INAVA: variants seen among roughly 807,000 people sequenced by gnomAD.
The protein encoded by INAVA is innate immunity activator.
A neutral mutation model predicts 55.3 loss-of-function variants in INAVA; 32 were observed. The observed-to-expected ratio is 0.58, with a 90% CI of 0.44 to 0.78. The LOEUF (loss-of-function observed/expected upper bound fraction) is 0.78. Ranked by LOEUF, INAVA falls within the 30% of genes least tolerant of loss-of-function variation. The pLI is 0.00. For missense variants in INAVA, 756 were observed against 786.4 expected, an observed-to-expected ratio of 0.96 and a Z score of 0.46; for synonymous variants, 294 against 329.4, an observed-to-expected ratio of 0.89 and a Z score of 1.16.
At position 200,909,245 on chromosome 1, in the gene INAVA, G is replaced by T; in HGVS notation, c.807G>T (p.Gln269His). The part of the protein sequence containing the change: ...SESSSPATTP[Q>H]DGPSASSLWL... ...GCAGCAGCCCAGCCACCACACCACA[G>T]GATGGGCCCAGTGCCTCCAGCCTGT... Residue 269 changes from glutamine (Q) to histidine (H), a missense_variant, in exon 8 of 10, where the codon CAG becomes CAT. Coordinates refer to ENST00000413687, the MANE Select transcript of INAVA (RefSeq NM_001142569.3). 6.3e-7 allele frequency: 1 copy of T among 1,578,162 alleles called. No individual in the cohort carries two copies. Among genetic ancestry groups the T allele is most frequent in the Admixed American group, 1.8e-5 (1 of 57,000 alleles).
At chr1:200,899,345 G>C in intron 2 of INAVA, 128 bp from the exon 3 acceptor site, 5 of 1,352,716 alleles carry the variant, frequency 3.7e-6, no homozygotes, top group Non-Finnish European at 5.0e-6. Flanking sequence ...GCAATTTGTG[G>C]GCAGGCATGA....
chr1:200,911,830 C>T lies in INAVA; in HGVS notation c.1337C>T (p.Pro446Leu), dbSNP rs1380148287. ...RYVVVAESPLPPGEWELRRAA... is the reference protein window; with the variant it reads ...RYVVVAESPLLPGEWELRRAA... ...GTGGTGGTGGCTGAGAGCCCCCTGC[C>T]GCCTGGCGAGTGGGAGCTGCGCCGC... is the stretch of plus-strand genomic sequence containing the variant. The change falls in exon 9 of 10, where the codon CCG becomes CTG. Residue 446 changes from proline to leucine, a missense_variant. By Grantham distance (98) the Pro-to-Leu change is moderately conservative. Transcript: ENST00000413687. 6.2e-7 allele frequency: 1 copy of T among 1,602,576 alleles called. No homozygotes were observed. Among genetic ancestry groups the T allele is most frequent in the African/African-American group, 1.3e-5 (1 of 74,862 alleles).
At chr1:200,906,298 C>T (rs78710594) in intron 5 of INAVA, 7,851 of 152,274 alleles carry the variant, frequency 0.052, 338 homozygotes, top group East Asian at 0.2. Flanking sequence ...GTGGGTGGAT[C>T]ACCTGAGGTC....
intron 6 of INAVA, 28 bp downstream of exon 6, chr1:200,907,915 T>C (rs1365976509): frequency 6.3e-7 from 1 of 1,595,072 alleles, no homozygotes; most frequent in Admixed American, 1.7e-5. Flanking sequence ...GGGACTATTG[T>C]CAAGGCTGGA....
chr1:200,902,533 A>T (rs1408251625), intron 5 of INAVA, among the ~76,000 whole-genome samples: 1 of 152,256 alleles, frequency 6.6e-6, no homozygotes, highest in Non-Finnish European at 1.5e-5. Context: ...TGGCCGCAGA[A>T]CAACACTCCC....
chr1:200,909,368 G>A lies in INAVA; in HGVS notation c.930G>A (p.Gln310=), dbSNP rs747140552. The stretch of plus-strand genomic sequence containing the variant: ...GTGCCCCAGCCACCCCTGAGATACA[G>A]GGGAGGAGGGGCCAGTCGCAGTCTC... The part of the protein sequence containing the change: ...RTSAPATPEI[Q]GRRGQSQSLR... The change falls in exon 8 of 10, where the codon CAG becomes CAA. Residue 310 remains glutamine (Q), a synonymous_variant. Transcript: ENST00000413687. 1.2e-6 allele frequency: 2 copies of A among 1,606,716 alleles called. No individual in the cohort carries two copies. Among genetic ancestry groups the A allele is most frequent in the Non-Finnish European group, 1.7e-6 (2 of 1,175,746 alleles).
In INAVA at chr1:200,911,498, C is replaced by T; in HGVS notation, c.1005C>T (p.Ala335=). 9 of 1,613,708 alleles carry T rather than the reference C, an allele frequency of 5.6e-6. No individual in the cohort carries two copies. The highest frequency in any genetic ancestry group is 7.6e-6 in the Non-Finnish European group (9 of 1,179,868). ...GTCCTGAGGGCCGAGGTCGCAGCGC[C>T]TTTCCCCGCCGCCGCCCCACTCACT... ...RAGPEGRGRS[A]FPRRRPTHYT... is the part of the protein sequence containing the mutation. The change falls in exon 9 of 10, where the codon GCC becomes GCT. Residue 335 remains alanine (A), a synonymous_variant. Coordinates refer to ENST00000413687, the MANE Select transcript of INAVA (RefSeq NM_001142569.3).
intron 6 of INAVA, 78 bp downstream of exon 6, chr1:200,907,965 T>C: frequency 3.8e-6 from 5 of 1,303,622 alleles, no homozygotes; most frequent in Non-Finnish European, 5.5e-6. Flanking sequence ...AGTTTGCTGG[T>C]GTGGAATTTA....
intron 3 of INAVA, 118 bp from the exon 4 acceptor site, chr1:200,899,986 G>A: frequency 1.3e-6 from 1 of 767,354 alleles, no homozygotes. Flanking sequence ...GGGATGAGGT[G>A]GGGTGGAGGG....
Position 200,913,533 on chromosome 1 carries a change from G to C in INAVA, c.1645-4G>C. On this transcript the variant is annotated splice_region_variant and splice_polypyrimidine_tract_variant and intron_variant, in intron 9 of 9. Transcript: ENST00000413687. ...CACCTGTCCTTTCTTCCTGACCCTGGCAGGTGCCCACAGTTTGTGTGCTGC... is the reference window on the plus strand; with the variant it reads ...CACCTGTCCTTTCTTCCTGACCCTGCCAGGTGCCCACAGTTTGTGTGCTGC... 6.2e-7 allele frequency: 1 copy of C among 1,613,624 alleles called. No homozygotes were observed. The highest frequency in any genetic ancestry group is 8.5e-7 in the Non-Finnish European group (1 of 1,179,652).
chr1:200,891,573 T>C, upstream of INAVA: 4 of 1,597,222 alleles, frequency 2.5e-6, no homozygotes, highest in Non-Finnish European at 3.4e-6. Flanking sequence ...ATGAAATACC[T>C]CCGGGGAGGG....
rs1571873318 is a variant in INAVA at position 200,911,501 on chromosome 1, T to C, written c.1008T>C (p.Phe336=). The C allele has an allele frequency of 1.2e-6, 2 of 1,613,560 alleles. No homozygotes were observed. Among genetic ancestry groups the C allele is most frequent in the Non-Finnish European group, 1.7e-6 (2 of 1,179,850 alleles). ...AGPEGRGRSA[F]PRRRPTHYTV... ...CTGAGGGCCGAGGTCGCAGCGCCTT[T>C]CCCCGCCGCCGCCCCACTCACTACA... The change falls in exon 9 of 10, where the codon TTT becomes TTC. Residue 336 remains phenylalanine (F), a synonymous_variant. Transcript: ENST00000413687.
intron 5 of INAVA, among the ~76,000 whole-genome samples, chr1:200,903,890 G>A (rs967403052): frequency 6.6e-6 from 1 of 151,826 alleles, no homozygotes; most frequent in Non-Finnish European, 1.5e-5. Context: ...CTCCATACAA[G>A]GGTAATTTAG....
At chr1:200,907,713 C>A in intron 5 of INAVA, 121 bp from the exon 6 acceptor site, 1 of 705,136 alleles carries the variant, frequency 1.4e-6, no homozygotes. Flanking sequence ...AGGGTATTTC[C>A]TCATAACTGA....
At chr1:200,910,848 A>G (rs1431409157) in intron 8 of INAVA, among the ~76,000 whole-genome samples, 2 of 152,174 alleles carry the variant, frequency 1.3e-5, no homozygotes, top group South Asian at 4.1e-4. Flanking sequence ...GCATTAGTAG[A>G]GTGAAGTGAA....
At position 200,908,901 on chromosome 1, in the gene INAVA, A is replaced by G; in HGVS notation, c.746A>G (p.Glu249Gly). 1 of 1,613,846 alleles carries G rather than the reference A, an allele frequency of 6.2e-7. No individual in the cohort carries two copies. Among genetic ancestry groups the G allele is most frequent in the South Asian group, 1.1e-5 (1 of 91,068 alleles). ...GAAACCAGCCTGGACCACCCCTATG[A>G]GAAGCCCAGGAAGTCTTCTGAGCCC... ...WKETSLDHPY[E>G]KPRKSSEPWS... Residue 249 changes from glutamate to glycine, a missense_variant, in exon 7 of 10, where the codon GAG (glutamate) becomes GGG (glycine). Coordinates refer to ENST00000413687, the MANE Select transcript of INAVA (RefSeq NM_001142569.3).
chr1:200,910,215 C>G (rs1272399696), intron 8 of INAVA, among the ~76,000 whole-genome samples: 1 of 152,172 alleles, frequency 6.6e-6, no homozygotes, highest in African/African-American at 2.4e-5. Flanking sequence ...AGAACATGGC[C>G]TCGTTTAACC....
At chr1:200,891,721 G>A (rs1040150939), upstream of INAVA, 5 of 1,441,016 alleles carry the variant, frequency 3.5e-6, no homozygotes, top group Non-Finnish European at 4.6e-6. Context: ...AAAACTTCGG[G>A]GCACCCAGTG....
chr1:200,904,924 A>G (rs1653419818), intron 5 of INAVA, among the ~76,000 whole-genome samples: 2 of 152,126 alleles, frequency 1.3e-5, no homozygotes, highest in Admixed American at 6.6e-5. Context: ...CAAAAAAACT[A>G]TTTTAGAGAT....
Sources: allele counts gnomAD v4.1 joint callset (sites outside exome capture counted in the v4.1 genomes callset), GRCh38; gene constraint gnomAD v4.1.1; transcripts MANE v1.5; gene names NCBI Gene and HGNC (gene_info 2026-07-23, HGNC 2026-07-21).